Variants in SUGCT observed in about 807,000 individuals in gnomAD.
SUGCT encodes succinyl-CoA:glutarate CoA-transferase.
Under a neutral mutation model 55.0 loss-of-function variants are expected in SUGCT, and 41 were observed. The observed-to-expected ratio is 0.74, with a 90% CI of 0.58 to 0.97. The LOEUF is 0.97. Ranked by LOEUF, SUGCT falls within the 50% of genes least tolerant of loss-of-function variation. The pLI, the probability that SUGCT is intolerant of heterozygous loss-of-function variation, is 0.00. For synonymous variants in SUGCT, 187 were observed against 200.4 expected (o/e 0.93, Z 0.56); for missense variants, 568 against 547.8 (o/e 1.04, Z -0.37).
At chr7:40,433,499 T>TTA (rs749931456) in intron 9 of SUGCT, among the ~76,000 whole-genome samples, 65 of 152,176 alleles carry the variant, frequency 4.3e-4, no homozygotes, top group Non-Finnish European at 8.4e-4. Flanking sequence ...GTTTTAGAGT[T>TTA]TATTAGTCTT....
At chr7:40,239,804 A>G (rs1177146990) in intron 7 of SUGCT, among the ~76,000 whole-genome samples, 2 of 152,214 alleles carry the variant, frequency 1.3e-5, no homozygotes, top group African/African-American at 4.8e-5. Flanking sequence ...ATTGCTTTAT[A>G]TACTTTCCAT....
chr7:40,953,991 A>G, the SUGCT span, among the ~76,000 whole-genome samples: 6 of 152,310 alleles, frequency 3.9e-5, no homozygotes, highest in Non-Finnish European at 5.9e-5. Context: ...TCAGACAGGG[A>G]CATTTAAGTC....
intron 13 of SUGCT, among the ~76,000 whole-genome samples, chr7:40,851,668 A>G (rs1421119078): frequency 6.6e-6 from 1 of 152,240 alleles, no homozygotes; most frequent in African/African-American, 2.4e-5. Flanking sequence ...AGACGGGCAT[A>G]ACCTGTAAGC....
At chr7:40,829,574 AAAAAC>A in intron 13 of SUGCT, among the ~76,000 whole-genome samples, 1 of 152,334 alleles carries the variant, frequency 6.6e-6, no homozygotes, top group South Asian at 2.1e-4. Context: ...TAATAAAAAG[AAAAAC>A]AAAAGCAGTA....
chr7:40,459,247 G>A (rs774166924), intron 11 of SUGCT, 49 bp downstream of exon 11: 15 of 1,164,666 alleles, frequency 1.3e-5, no homozygotes, highest in East Asian at 2.4e-5. Flanking sequence ...TATGTGATAA[G>A]CATTTATCTG....
intron 12 of SUGCT, among the ~76,000 whole-genome samples, chr7:40,541,308 T>G (rs996600691): frequency 6.6e-6 from 1 of 152,198 alleles, no homozygotes; most frequent in Non-Finnish European, 1.5e-5. Context: ...GGGGCCAACA[T>G]GGACTGCTGT....
intron 9 of SUGCT, among the ~76,000 whole-genome samples, chr7:40,334,985 C>T (rs1375023681): frequency 2.0e-5 from 3 of 152,176 alleles, no homozygotes; most frequent in Non-Finnish European, 2.9e-5. Context: ...AGCCGGTTTT[C>T]CCAGCACCAT....
At chr7:40,375,736 T>C (rs1784511164) in intron 9 of SUGCT, among the ~76,000 whole-genome samples, 1 of 151,978 alleles carries the variant, frequency 6.6e-6, no homozygotes, top group Admixed American at 6.5e-5. Flanking sequence ...AAATAAATTA[T>C]AGACATATAA....
intron 8 of SUGCT, among the ~76,000 whole-genome samples, chr7:40,310,726 A>G (rs1014802277): frequency 1.3e-5 from 2 of 152,194 alleles, no homozygotes; most frequent in East Asian, 1.9e-4. Context: ...TTGTTGTGTC[A>G]TTTAAGTGCC....
At chr7:40,844,411 A>C (rs983180796) in intron 13 of SUGCT, among the ~76,000 whole-genome samples, 1 of 152,104 alleles carries the variant, frequency 6.6e-6, no homozygotes, top group African/African-American at 2.4e-5. Flanking sequence ...GGGAGCTGGA[A>C]GGGGGACAGA....
In SUGCT at chr7:40,775,994, C is replaced by A. The variant is rs181053119; in HGVS notation, c.1153+26497C>A. The stretch of plus-strand genomic sequence containing the variant: ...CTTTCAATGTCAGATGACCTCCTGG[C>A]CACTCACCTGAGCCCTTCCCCATTG... On this transcript the variant is annotated intron_variant, in intron 13 of 13. Coordinates refer to ENST00000335693, the MANE Select transcript of SUGCT (RefSeq NM_001193313.2). 3.3e-3 allele frequency among the ~76,000 whole-genome samples: 497 copies of A among 152,302 alleles called. 1 individual carries two copies. Among genetic ancestry groups the A allele is most frequent in the African/African-American group, 0.011 (471 of 41,562 alleles).
chr7:40,948,611 C>A, the SUGCT span, among the ~76,000 whole-genome samples: 2,464 of 152,018 alleles, frequency 0.016, 83 homozygotes, highest in African/African-American at 0.055. Flanking sequence ...CCCTTTCCCC[C>A]ACCCGCCGAC....
At chr7:40,437,710 C>G (rs986283661) in intron 9 of SUGCT, among the ~76,000 whole-genome samples, 5 of 152,186 alleles carry the variant, frequency 3.3e-5, no homozygotes, top group Non-Finnish European at 5.9e-5. Flanking sequence ...TGTACTAGCA[C>G]AGACCCAGAA....
chr7:40,684,214 G>T (rs1259468779), intron 12 of SUGCT: 32 of 1,486,984 alleles, frequency 2.2e-5, no homozygotes, highest in Non-Finnish European at 2.9e-5. Flanking sequence ...CCATATCAAG[G>T]TTTGTGACCT....
chr7:40,977,263 A>G, the SUGCT span, among the ~76,000 whole-genome samples: 1 of 152,210 alleles, frequency 6.6e-6, no homozygotes, highest in South Asian at 2.1e-4. Context: ...ATAATAGCAA[A>G]TGCAATAGAC....
At chr7:40,318,638 T>C (rs1795560519) in intron 9 of SUGCT, among the ~76,000 whole-genome samples, 1 of 152,212 alleles carries the variant, frequency 6.6e-6, no homozygotes, top group African/African-American at 2.4e-5. Flanking sequence ...GGTTTCACCA[T>C]GTTGGCCAGA....
the SUGCT span, among the ~76,000 whole-genome samples, chr7:40,954,333 T>C: frequency 1.3e-5 from 2 of 152,180 alleles, no homozygotes; most frequent in Non-Finnish European, 2.9e-5. Context: ...TGACCCAATT[T>C]TCCAGGTGCC....
At chr7:40,646,271 C>T (rs1471847078) in intron 12 of SUGCT, among the ~76,000 whole-genome samples, 1 of 152,230 alleles carries the variant, frequency 6.6e-6, no homozygotes, top group East Asian at 1.9e-4. Flanking sequence ...TGGGACTCCT[C>T]ATAGCCTCCT....
Position 40,681,934 on chromosome 7 carries a change from T to C in SUGCT, c.1090-67500T>C, listed in dbSNP as rs75748224. On this transcript the variant is annotated intron_variant, in intron 12 of 13. Transcript: ENST00000335693. ...CCTCAGTTTTTCGAGTAGGCAGATC[T>C]GTTTGGTGGGGGTCTGGGTTTCTGA... 3.5e-3 allele frequency among the ~76,000 whole-genome samples: 532 copies of C among 152,302 alleles called. 14 individuals are homozygous for C. Among genetic ancestry groups the C allele is most frequent in the East Asian group, 0.021 (108 of 5,184 alleles).
Sources: allele counts gnomAD v4.1 joint callset (sites outside exome capture counted in the v4.1 genomes callset), GRCh38; gene constraint gnomAD v4.1.1; transcripts MANE v1.5; gene names NCBI Gene and HGNC (gene_info 2026-07-23, HGNC 2026-07-21).